CLIC5: variants seen among roughly 807,000 people sequenced by gnomAD.
CLIC5 encodes the protein chloride intracellular channel protein 5.
A neutral mutation model predicts 24.7 loss-of-function variants in CLIC5; 20 were observed. The ratio of observed to expected loss-of-function variants is 0.81; its 90% CI spans 0.57 to 1.18. The LOEUF is 1.18. Ranked by LOEUF, CLIC5 falls within the 50% of genes most tolerant of loss-of-function variation. The pLI, the probability that CLIC5 is intolerant of heterozygous loss-of-function variation, is 0.00. For missense variants in CLIC5, 341 were observed against 326.1 expected (o/e 1.05, Z -0.35); for synonymous variants, 159 against 135.6 (o/e 1.17, Z -1.20).
At chr6:45,903,772 T>C (rs1465999062) in intron 5 of CLIC5, among the ~76,000 whole-genome samples, 1 of 152,220 alleles carries the variant, frequency 6.6e-6, no homozygotes, top group African/African-American at 2.4e-5. Context: ...TAGATGTCTA[T>C]ATACCTATAT....
intron 1 of CLIC5, among the ~76,000 whole-genome samples, chr6:46,001,982 C>T (rs536742428): frequency 6.6e-6 from 1 of 152,148 alleles, no homozygotes; most frequent in African/African-American, 2.4e-5. Flanking sequence ...TCAGAAAGTC[C>T]TAGCAGTGAG....
At chr6:45,967,789 A>G (rs997661844) in intron 1 of CLIC5, among the ~76,000 whole-genome samples, 1 of 149,790 alleles carries the variant, frequency 6.7e-6, no homozygotes, top group Non-Finnish European at 1.5e-5. Flanking sequence ...AAGCAGGGGC[A>G]AGAGAGAGAG....
At chr6:45,978,500 C>T (rs922598104) in intron 1 of CLIC5, among the ~76,000 whole-genome samples, 1 of 152,188 alleles carries the variant, frequency 6.6e-6, no homozygotes, top group South Asian at 2.1e-4. Flanking sequence ...CAGTGGTTCT[C>T]CAATGTTAGC....
At chr6:46,112,902 TA>T in the CLIC5 span, among the ~76,000 whole-genome samples, 1 of 152,006 alleles carries the variant, frequency 6.6e-6, no homozygotes, top group African/African-American at 2.4e-5. Context: ...ACTTAAAATA[TA>T]AAAATTAGCC....
intron 1 of CLIC5, among the ~76,000 whole-genome samples, chr6:46,040,954 A>C (rs1464243869): frequency 6.6e-6 from 1 of 152,210 alleles, no homozygotes; most frequent in African/African-American, 2.4e-5. Flanking sequence ...GAACATACAT[A>C]AAAAAATCCC....
the CLIC5 span, among the ~76,000 whole-genome samples, chr6:46,118,725 A>G: frequency 6.6e-6 from 1 of 152,232 alleles, no homozygotes; most frequent in Non-Finnish European, 1.5e-5. Flanking sequence ...TATTTTCAAG[A>G]ACTAACATAC....
chr6:46,091,697 C>CA, the CLIC5 span, among the ~76,000 whole-genome samples: 1 of 152,142 alleles, frequency 6.6e-6, no homozygotes, highest in African/African-American at 2.4e-5. Flanking sequence ...ATGTTCATAC[C>CA]AAAAAATGCC....
intron 1 of CLIC5, among the ~76,000 whole-genome samples, chr6:45,980,510 C>T (rs1359599372): frequency 1.3e-5 from 2 of 151,848 alleles, no homozygotes; most frequent in Admixed American, 6.6e-5. Flanking sequence ...CAAACCTCAG[C>T]GACATGGAAT....
chr6:45,888,157 G>A (rs569653328), intron 6 of CLIC5, among the ~76,000 whole-genome samples: 8 of 152,230 alleles, frequency 5.3e-5, no homozygotes, highest in African/African-American at 1.9e-4. Flanking sequence ...TGGGGTGGGG[G>A]GGATTTCCTG....
chr6:45,957,543 T>C (rs1333070033), intron 1 of CLIC5, among the ~76,000 whole-genome samples: 1 of 152,092 alleles, frequency 6.6e-6, no homozygotes, highest in Non-Finnish European at 1.5e-5. Flanking sequence ...GGAGGGCTGG[T>C]GTTGAATTGT....
chr6:46,043,946 T>C (rs1338256391), intron 1 of CLIC5, among the ~76,000 whole-genome samples: 1 of 152,236 alleles, frequency 6.6e-6, no homozygotes, highest in Admixed American at 6.5e-5. Context: ...CAGCCTGCTG[T>C]GTGCAATGTC....
downstream of CLIC5, among the ~76,000 whole-genome samples, chr6:45,898,098 G>C (rs1031567004): frequency 1.3e-5 from 2 of 151,720 alleles, no homozygotes; most frequent in Admixed American, 6.6e-5. Context: ...AGGGAGTCTC[G>C]CTCTGTCGGT....
At chr6:45,882,557 A>C (rs1762272516) in intron 6 of CLIC5, among the ~76,000 whole-genome samples, 1 of 152,234 alleles carries the variant, frequency 6.6e-6, no homozygotes, top group Admixed American at 6.5e-5. Context: ...TCCCAGTGGA[A>C]TGAGAAGATC....
chr6:46,079,631 A>G, intron 1 of CLIC5: 1 of 1,310,308 alleles, frequency 7.6e-7, no homozygotes, highest in Non-Finnish European at 1.0e-6. Flanking sequence ...TTCCCTGGTC[A>G]TTCAGAGCAA....
the CLIC5 span, among the ~76,000 whole-genome samples, chr6:46,117,162 C>G: frequency 1.3e-5 from 2 of 152,156 alleles, no homozygotes; most frequent in African/African-American, 4.8e-5. Flanking sequence ...ATAGCTTCTC[C>G]CCTTCATGCA....
At chr6:46,051,692 A>C (rs542617114) in intron 1 of CLIC5, among the ~76,000 whole-genome samples, 4 of 152,280 alleles carry the variant, frequency 2.6e-5, no homozygotes, top group African/African-American at 9.6e-5. Flanking sequence ...AATAATAATA[A>C]TTCCTTGTAT....
the CLIC5 span, among the ~76,000 whole-genome samples, chr6:46,091,682 G>A: frequency 2.0e-5 from 3 of 152,194 alleles, no homozygotes; most frequent in African/African-American, 4.8e-5. Context: ...AGGCTGCAGT[G>A]AGCCATGTTC....
intron 4 of CLIC5, among the ~76,000 whole-genome samples, chr6:45,929,172 C>T (rs369780725): frequency 4.6e-5 from 7 of 152,172 alleles, no homozygotes; most frequent in African/African-American, 7.2e-5. Context: ...CACCACCAAC[C>T]GCCTTCCTTA....
chr6:45,956,908 A>G (rs1307814702), intron 1 of CLIC5, among the ~76,000 whole-genome samples: 1 of 152,194 alleles, frequency 6.6e-6, no homozygotes, highest in Non-Finnish European at 1.5e-5. Flanking sequence ...TAAAGTTACC[A>G]ATAAAGCATG....
Sources: allele counts gnomAD v4.1 joint callset (sites outside exome capture counted in the v4.1 genomes callset), GRCh38; gene constraint gnomAD v4.1.1; transcripts MANE v1.5; gene names NCBI Gene and HGNC (gene_info 2026-07-23, HGNC 2026-07-21).